FBN2: variants seen among roughly 807,000 people sequenced by gnomAD.
FBN2 encodes the protein fibrillin-2.
In FBN2, 105 loss-of-function variants were observed where a neutral mutation model predicts 355.6. That is an observed-to-expected ratio of 0.30 (90% confidence interval 0.25 to 0.35). FBN2 has a LOEUF of 0.35. FBN2 is among the 10% of genes least tolerant of loss of function. FBN2 has a pLI of 1.00. For synonymous variants in FBN2, 1,350 were observed against 1,301.2 expected (o/e 1.04, Z -0.81); for missense variants, 3,280 against 3,758.7 (o/e 0.87, Z 3.33).
At chr5:128,444,044 A>C (rs1405916250) in intron 7 of FBN2, among the ~76,000 whole-genome samples, 3 of 142,968 alleles carry the variant, frequency 2.1e-5, no homozygotes, top group African/African-American at 5.3e-5. Flanking sequence ...ATAAGCAAAT[A>C]TCACTTGTTC....
rs1367750406 is a variant in FBN2 at position 128,277,750 on chromosome 5, T to C, written c.7471+130A>G. The C allele has an allele frequency of 6.5e-6, 7 of 1,070,006 alleles. No homozygotes were observed. The Admixed American group carries it at 9.5e-5, about 15-fold the overall frequency. 66.3% of individuals were successfully genotyped at this position (1,070,006 alleles called of 1,614,324 possible). ...ATTAAGAAGCACATTATTGAGAGGA[T>C]GGCAACATTTTAATAAAATATATAT... On this transcript the variant is annotated intron_variant, in intron 58 of 64. Transcript: ENST00000262464.
At chr5:128,378,588 C>T (rs1752148462) in intron 12 of FBN2, among the ~76,000 whole-genome samples, 183 bp downstream of exon 12, 1 of 151,990 alleles carries the variant, frequency 6.6e-6, no homozygotes, top group Non-Finnish European at 1.5e-5. Context: ...TACCATGTTG[C>T]CTGGGTTATA....
At chr5:128,500,735 C>T (rs544200967) in intron 5 of FBN2, among the ~76,000 whole-genome samples, 10 of 152,186 alleles carry the variant, frequency 6.6e-5, no homozygotes, top group East Asian at 3.9e-4. Context: ...TGAGCCATCG[C>T]GCCCGGCCGA....
At chr5:128,377,989 A>C (rs1752127046) in intron 12 of FBN2, 112 bp from the exon 13 acceptor site, 1 of 1,139,952 alleles carries the variant, frequency 8.8e-7, no homozygotes, top group East Asian at 2.5e-5. Flanking sequence ...TTCTTTAGCA[A>C]AATTTCTGTC....
chr5:128,342,246 AGAG>A (rs1324671096), intron 25 of FBN2, among the ~76,000 whole-genome samples: 2 of 152,108 alleles, frequency 1.3e-5, no homozygotes, highest in East Asian at 3.9e-4. Context: ...TGTAGAGGTT[AGAG>A]AAGAAACATC....
chr5:128,476,430 G>A (rs529484901), intron 5 of FBN2, among the ~76,000 whole-genome samples: 123 of 151,750 alleles, frequency 8.1e-4, no homozygotes, highest in Middle Eastern at 3.4e-3. Flanking sequence ...TAAACAGAAC[G>A]GCAAAGAAAA....
At chr5:128,271,118 A>G (rs922146802) in intron 62 of FBN2, among the ~76,000 whole-genome samples, 7 of 152,202 alleles carry the variant, frequency 4.6e-5, no homozygotes, top group Admixed American at 2.0e-4. Flanking sequence ...TCTTTTGAGA[A>G]GACCACAAAG....
In FBN2 at chr5:128,275,949, C is replaced by T. The variant is rs569205977; in HGVS notation, c.7594+89G>A. Reference sequence around the variant, plus strand: ...ATGGGACCTTTTAATGAAGGTGATGCACATGGCATAATTCCTGATAATCTA... The same window carrying T: ...ATGGGACCTTTTAATGAAGGTGATGTACATGGCATAATTCCTGATAATCTA... On this transcript the variant is annotated intron_variant, in intron 59 of 64. Coordinates refer to ENST00000262464, the MANE Select transcript of FBN2 (RefSeq NM_001999.4). The T allele has an allele frequency of 2.8e-6, 4 of 1,431,488 alleles. No individual in the cohort carries two copies. The African/African-American group carries it at 4.2e-5, about 15-fold the overall frequency. 88.7% of individuals were successfully genotyped at this position (1,431,488 alleles called of 1,614,324 possible). A position where few individuals can be genotyped will look rare whatever the true frequency, so the allele number is the denominator to read the frequency against.
chr5:128,266,722 T>G lies in FBN2; in HGVS notation c.7961-3066A>C, dbSNP rs189985567. Among the ~76,000 whole-genome samples, 1,238 of 152,282 alleles carry G rather than the reference T, an allele frequency of 8.1e-3. 8 individuals carry two copies. The highest frequency in any genetic ancestry group is 0.011 in the Non-Finnish European group (764 of 68,024). On this transcript the variant is annotated intron_variant, in intron 62 of 64. Transcript: ENST00000262464. ...ATTCTGTTTGATAGAGAATCATTCT[T>G]TTGGATTAAGGTCTATGGAATTAAC...
At chr5:128,494,676 G>A (rs930271638) in intron 5 of FBN2, among the ~76,000 whole-genome samples, 1 of 152,178 alleles carries the variant, frequency 6.6e-6, no homozygotes, top group Non-Finnish European at 1.5e-5. Context: ...TGTCATCCCA[G>A]GTTAACTGGG....
intron 8 of FBN2, among the ~76,000 whole-genome samples, chr5:128,397,087 A>T (rs1220655557): frequency 6.6e-6 from 1 of 152,202 alleles, no homozygotes; most frequent in East Asian, 1.9e-4. Flanking sequence ...AAATCCCAGT[A>T]AGACCCAAAA....
intron 64 of FBN2, 130 bp downstream of exon 64, chr5:128,261,606 G>A: frequency 1.2e-6 from 1 of 809,080 alleles, no homozygotes; most frequent in South Asian, 1.4e-5. Flanking sequence ...TCCATACTGG[G>A]TCCATTAATT....
intron 7 of FBN2, among the ~76,000 whole-genome samples, chr5:128,435,444 C>A (rs1561004): frequency 0.17 from 25,557 of 152,172 alleles, 2,254 homozygotes; most frequent in Non-Finnish European, 0.21. Context: ...CAGAACTCTT[C>A]CACAATTAAT....
intron 11 of FBN2, among the ~76,000 whole-genome samples, chr5:128,388,977 G>A (rs1192413178): frequency 6.6e-6 from 1 of 152,176 alleles, no homozygotes; most frequent in East Asian, 1.9e-4. Flanking sequence ...GGATGCCAAT[G>A]AGTTGTAAGT....
rs1420324379 is a variant in FBN2 at position 128,295,117 on chromosome 5, C to G, written c.6167-3463G>C. 3.4e-5 allele frequency among the ~76,000 whole-genome samples: 5 copies of G among 148,018 alleles called. No homozygotes were observed. The East Asian group carries it at 8.1e-4, about 24-fold the overall frequency. ...AATCCTTTCCCCATTGCTTGTTTTT[C>G]TCAGGTTTGTCAAAGATCAGATAGT... On this transcript the variant is annotated intron_variant, in intron 48 of 64. Transcript: ENST00000262464.
chr5:128,451,691 C>G (rs897279332), intron 6 of FBN2, among the ~76,000 whole-genome samples: 2 of 152,156 alleles, frequency 1.3e-5, no homozygotes, highest in East Asian at 3.9e-4. Flanking sequence ...TGAGCCACTG[C>G]GCACAGCCTT....
intron 51 of FBN2, among the ~76,000 whole-genome samples, chr5:128,289,560 C>A (rs557079414): frequency 2.0e-5 from 3 of 151,790 alleles, no homozygotes; most frequent in South Asian, 2.1e-4. Context: ...TGCATTCCAG[C>A]GGGCAACAGA....
chr5:128,287,642 T>A (rs1749192598), intron 53 of FBN2, among the ~76,000 whole-genome samples: 1 of 152,164 alleles, frequency 6.6e-6, no homozygotes, highest in Admixed American at 6.5e-5. Context: ...CCTGAAGTTT[T>A]TAGTGGTGAG....
At chr5:128,426,072 CT>C (rs1282977929) in intron 7 of FBN2, among the ~76,000 whole-genome samples, 1 of 152,118 alleles carries the variant, frequency 6.6e-6, no homozygotes, top group Non-Finnish European at 1.5e-5. Context: ...CTTTGATGTT[CT>C]CAGTGGGGTG....
Sources: gnomAD v4.1 joint callset for allele counts (sites outside exome capture counted in the v4.1 genomes callset) on GRCh38, gnomAD v4.1.1 for gene constraint, MANE v1.5 for transcripts, NCBI Gene and HGNC (gene_info 2026-07-23, HGNC 2026-07-21) for gene names.